Variants in ZNF775 observed in about 807,000 individuals in gnomAD.
The protein encoded by ZNF775 is zinc finger protein 775.
In ZNF775, 1 loss-of-function variant was observed where a neutral mutation model predicts 2.4. The observed-to-expected ratio is 0.41, with a 90% CI of 0.15 to 1.94. The LOEUF is 1.94. Ranked by LOEUF, ZNF775 falls within the 30% of genes most tolerant of loss-of-function variation. The probability of loss-of-function intolerance (pLI) is 0.30; values close to 1 mark genes in which losing one functional copy is unlikely to be tolerated. For missense variants in ZNF775, 823 were observed against 826.6 expected (o/e 1.00, Z 0.05); for synonymous variants, 381 against 373.3 (o/e 1.02, Z -0.24).
At position 150,384,653 on chromosome 7, in the gene ZNF775, C is replaced by T. The variant is rs1454227387; in HGVS notation, c.-49-3769C>T. Among the ~76,000 whole-genome samples the T allele has an allele frequency of 6.6e-6, 1 of 152,168 alleles. No individual in the cohort carries two copies. On this transcript the variant is annotated intron_variant, in intron 1 of 2. Transcript: ENST00000329630. This position sits in a 1 kb window ranked among gnomAD's most constrained non-coding sequence, Gnocchi z 4.1. Reference sequence around the variant, plus strand: ...CTCATTCCTGTCCTCTGTGTTTCCCCCTTTGAATTTCTCACTTCTTCCTCT... The same window carrying T: ...CTCATTCCTGTCCTCTGTGTTTCCCTCTTTGAATTTCTCACTTCTTCCTCT...
chr7:150,398,214 C>T lies in ZNF775; in HGVS notation c.*119C>T, dbSNP rs993095499. The T allele has an allele frequency of 8.2e-5, 117 of 1,426,194 alleles. No homozygotes were observed. The highest frequency in any genetic ancestry group is 4.2e-4 in the Middle Eastern group (2 of 4,754). 88.3% of individuals were successfully genotyped at this position (1,426,194 alleles called of 1,614,324 possible). ...CCCCTTAGAGCGGGACCGGTGGATT[C>T]CTTAAGGCTCTGAAGGGCTGAGAAC... On this transcript the variant is annotated 3_prime_UTR_variant, in exon 3 of 3. Coordinates refer to ENST00000329630, the MANE Select transcript of ZNF775 (RefSeq NM_173680.4).
chr7:150,381,532 ACT>A (rs1378374584), intron 1 of ZNF775, among the ~76,000 whole-genome samples: 1 of 152,062 alleles, frequency 6.6e-6, no homozygotes, highest in Non-Finnish European at 1.5e-5. Context: ...GTCCTCTCAC[ACT>A]GTTTGCGTCC....
chr7:150,395,445 A>G (rs1318592060), intron 2 of ZNF775, among the ~76,000 whole-genome samples: 3 of 152,174 alleles, frequency 2.0e-5, no homozygotes, highest in East Asian at 3.8e-4. Flanking sequence ...GGAAAGGTGC[A>G]TGGATCACAA....
rs145909886 is a variant in ZNF775, at chr7:150,394,165, G to A, written c.32-2348G>A. ...AGAACATCTTTGGCTTCTCATCTAA[G>A]AATATGATATACATTGCTCCTTTTC... On this transcript the variant is annotated intron_variant, in intron 2 of 2. Coordinates refer to ENST00000329630, the MANE Select transcript of ZNF775 (RefSeq NM_173680.4). 2.6e-5 allele frequency among the ~76,000 whole-genome samples: 4 copies of A among 152,318 alleles called. No homozygotes were observed. The East Asian group carries it at 7.7e-4, about 29-fold the overall frequency.
rs371142177 is a variant in ZNF775 at position 150,396,944 on chromosome 7, C to A, written c.463C>A (p.Arg155=). The change falls in exon 3 of 3, where the codon CGG becomes AGG. Residue 155 remains arginine (R), a synonymous_variant. Transcript: ENST00000329630. ...GAAGCCGAACCTGGCGCGCCACCAG[C>A]GGCACCACACGGGCGAGCGACCCTT... ...SQKPNLARHQ[R]HHTGERPFCC... The A allele has an allele frequency of 6.2e-7, 1 of 1,600,940 alleles. No individual in the cohort carries two copies. Among genetic ancestry groups the A allele is most frequent in the South Asian group, 1.1e-5 (1 of 91,018 alleles).
rs1405099926 is a variant in ZNF775 at position 150,384,499 on chromosome 7, G to A, written c.-49-3923G>A. On this transcript the variant is annotated intron_variant, in intron 1 of 2. Transcript: ENST00000329630. This position sits in a 1 kb window ranked among gnomAD's most constrained non-coding sequence, Gnocchi z 4.1. ...CTTAGGGTGGGGACGTGTGTGTCTG[G>A]CCAGCCTGGAACATGACACATGGAG... Among the ~76,000 whole-genome samples, 1 of 152,156 alleles carries A rather than the reference G, an allele frequency of 6.6e-6. No homozygotes were observed. Among genetic ancestry groups the A allele is most frequent in the Admixed American group, 6.5e-5 (1 of 15,282 alleles).
At chr7:150,389,747 G>A (rs1040171970) in intron 2 of ZNF775, among the ~76,000 whole-genome samples, 1 of 152,180 alleles carries the variant, frequency 6.6e-6, no homozygotes, top group African/African-American at 2.4e-5. Context: ...CTGGAGACAC[G>A]GAGGCACGTG....
intron 1 of ZNF775, among the ~76,000 whole-genome samples, chr7:150,387,817 A>AG (rs1800482348): frequency 6.6e-6 from 1 of 151,890 alleles, no homozygotes; most frequent in Admixed American, 6.6e-5. Flanking sequence ...CTCAAAAAAA[A>AG]AAGATGAATC....
At chr7:150,390,358 C>T (rs904432686) in intron 2 of ZNF775, among the ~76,000 whole-genome samples, 1 of 152,138 alleles carries the variant, frequency 6.6e-6, no homozygotes, top group African/African-American at 2.4e-5. Context: ...GTGGATGTGA[C>T]AGCACTGTCC....
rs1800655356 is a variant in ZNF775, at chr7:150,396,554, C to T, written c.73C>T (p.Arg25Trp). Residue 25 changes from arginine to tryptophan, a missense_variant, in exon 3 of 3, where the codon CGG becomes TGG. By Grantham distance (101) the Arg-to-Trp change is moderately radical. Transcript: ENST00000329630. ...VMKVKQEKPE[R>W]LLQTLAPQAM... is the part of the protein sequence containing the mutation. ...GAAGGTCAAGCAGGAGAAGCCGGAG[C>T]GGCTGCTGCAGACGCTGGCGCCGCA... 6.2e-7 allele frequency: 1 copy of T among 1,603,798 alleles called. No individual in the cohort carries two copies. Among genetic ancestry groups the T allele is most frequent in the South Asian group, 1.1e-5 (1 of 89,166 alleles).
In ZNF775 at chr7:150,397,134, AG is replaced by A; in HGVS notation, c.656del (p.Gly219AlafsTer9). Reference sequence around the variant, plus strand: ...CAGCGCGCGCACGCCCGGGACCGCCAGGGCTCCCGCGCCGGCCTGCACGAGC... The same window carrying A: ...CAGCGCGCGCACGCCCGGGACCGCCAGGCTCCCGCGCCGGCCTGCACGAGC... ...IHQRAHARDR[Q>X]GSRAGLHELI... On this transcript the variant is annotated frameshift_variant, in exon 3 of 3. Transcript: ENST00000329630. LOFTEE classifies it low-confidence loss of function (END_TRUNC). 1 of 1,503,240 alleles carries A rather than the reference AG, an allele frequency of 6.7e-7. No individual in the cohort carries two copies. Among genetic ancestry groups the A allele is most frequent in the Non-Finnish European group, 8.8e-7 (1 of 1,135,676 alleles). The allele number at this position is 1,503,240 out of a possible 1,614,324, so 93.1% of individuals were successfully genotyped here. A position where few individuals can be genotyped will look rare whatever the true frequency, so the allele number is the denominator to read the frequency against.
intron 2 of ZNF775, among the ~76,000 whole-genome samples, chr7:150,391,181 T>C (rs991144703): frequency 2.6e-5 from 4 of 152,254 alleles, no homozygotes; most frequent in African/African-American, 9.6e-5. Flanking sequence ...CCTAGCCACA[T>C]AGGACTCTTC....
Position 150,398,124 on chromosome 7 carries a change from G to GTGCGGGGGATGTT in ZNF775, c.*37_*49dup. 6.5e-7 allele frequency: 1 copy of GTGCGGGGGATGTT among 1,534,800 alleles called. No homozygotes were observed. The highest frequency in any genetic ancestry group is 8.7e-7 in the Non-Finnish European group (1 of 1,145,914). On this transcript the variant is annotated 3_prime_UTR_variant, in exon 3 of 3. Coordinates refer to ENST00000329630, the MANE Select transcript of ZNF775 (RefSeq NM_173680.4). ...ACTGGACCTCAGCGGACCCGTGGTG[G>GTGCGGGGGATGTT]TGCGGGGGATGTTTGCGGGGTGTGT...
At position 150,398,161 on chromosome 7, in the gene ZNF775, G is replaced by C; in HGVS notation, c.*66G>C. 2 of 1,520,874 alleles carry C rather than the reference G, an allele frequency of 1.3e-6. No individual in the cohort carries two copies. Among genetic ancestry groups the C allele is most frequent in the Non-Finnish European group, 1.8e-6 (2 of 1,140,414 alleles). 94.2% of individuals were successfully genotyped at this position (1,520,874 alleles called of 1,614,324 possible). On this transcript the variant is annotated 3_prime_UTR_variant, in exon 3 of 3. Transcript: ENST00000329630. ...TTTGCGGGGTGTGTGTGGGGAGTGG[G>C]GGTGGCCAGGATTGCTGGCTCTTAG...
At chr7:150,388,242 T>C (rs890592788) in intron 1 of ZNF775, among the ~76,000 whole-genome samples, 180 bp from the exon 2 acceptor site, 2 of 152,240 alleles carry the variant, frequency 1.3e-5, no homozygotes, top group African/African-American at 4.8e-5. Flanking sequence ...TATGGCTGTT[T>C]TACCTTCTCA....
In ZNF775 at chr7:150,386,774, A is replaced by T. The variant is rs76466659; in HGVS notation, c.-49-1648A>T. Among the ~76,000 whole-genome samples, 319 of 152,190 alleles carry T rather than the reference A, an allele frequency of 2.1e-3. 2 individuals are homozygous for T. Among genetic ancestry groups the T allele is most frequent in the African/African-American group, 7.2e-3 (299 of 41,510 alleles). ...GTGCACCCCCAGCGAGGAGGAGATG[A>T]GTCTTCAGGCTGCACAGCTCCTGGC... On this transcript the variant is annotated intron_variant, in intron 1 of 2. Coordinates refer to ENST00000329630, the MANE Select transcript of ZNF775 (RefSeq NM_173680.4).
chr7:150,396,374 T>C, intron 2 of ZNF775, 139 bp from the exon 3 acceptor site: 2 of 1,045,656 alleles, frequency 1.9e-6, no homozygotes, highest in African/African-American at 3.3e-5. Flanking sequence ...ATCTTTCCCT[T>C]CTGCCTTTTC....
At chr7:150,380,940 C>G (rs1279028582) in intron 1 of ZNF775, among the ~76,000 whole-genome samples, 3 of 152,202 alleles carry the variant, frequency 2.0e-5, no homozygotes, top group African/African-American at 7.2e-5. Flanking sequence ...ACAGCAGGTG[C>G]CTGAAGGGGT....
At position 150,397,896 on chromosome 7, in the gene ZNF775, G is replaced by A. The variant is rs768983311; in HGVS notation, c.1415G>A (p.Arg472Gln). 14 of 1,602,462 alleles carry A rather than the reference G, an allele frequency of 8.7e-6. No individual in the cohort carries two copies. Among genetic ancestry groups the A allele is most frequent in the Non-Finnish European group, 1.2e-5 (14 of 1,178,436 alleles). Residue 472 changes from arginine (R) to glutamine (Q), a missense_variant, in exon 3 of 3, where the codon CGG (arginine) becomes CAG (glutamine). Arg to Gln is a conservative substitution (Grantham distance 43). Transcript: ENST00000329630. ...CACCAGCGCATCCACACGGGTGAGC[G>A]GCCCTACCCGTGCCCCGAGTGCGGC... ...TIHQRIHTGE[R>Q]PYPCPECGRR...
Sources: allele counts gnomAD v4.1 joint callset (sites outside exome capture counted in the v4.1 genomes callset), GRCh38; gene constraint gnomAD v4.1.1; non-coding constraint Gnocchi (gnomAD v3.1); transcripts MANE v1.5; gene names NCBI Gene and HGNC (gene_info 2026-07-23, HGNC 2026-07-21).